TMEM74: variants seen among roughly 807,000 people sequenced by gnomAD.
TMEM74 encodes the protein transmembrane protein 74.
A neutral mutation model predicts 18.1 loss-of-function variants in TMEM74; 13 were observed. The observed-to-expected ratio is 0.72, with a 90% CI of 0.47 to 1.14. The LOEUF is 1.14. TMEM74 is among the 50% of genes most tolerant of loss of function. The probability of loss-of-function intolerance (pLI) is 0.00; values close to 1 mark genes in which losing one functional copy is unlikely to be tolerated. For synonymous variants in TMEM74, 159 were observed against 146.6 expected (o/e 1.08, Z -0.61); for missense variants, 372 against 375.9 (o/e 0.99, Z 0.09).
At chr8:108,664,175 G>A (rs1812927208) in intron 1 of TMEM74, among the ~76,000 whole-genome samples, 2 of 121,012 alleles carry the variant, frequency 1.7e-5, no homozygotes, top group South Asian at 5.5e-4. Flanking sequence ...GTCATTGGTA[G>A]TTTCATAGGA....
intron 1 of TMEM74, among the ~76,000 whole-genome samples, chr8:108,675,885 A>G (rs1813051884): frequency 2.0e-5 from 3 of 152,232 alleles, no homozygotes; most frequent in Admixed American, 2.0e-4. Flanking sequence ...TGTAATATTG[A>G]AGATAGTTTA....
At chr8:108,676,072 G>C (rs886258019) in intron 1 of TMEM74, among the ~76,000 whole-genome samples, 2 of 152,128 alleles carry the variant, frequency 1.3e-5, no homozygotes, top group African/African-American at 4.8e-5. Flanking sequence ...ATTTAGACTT[G>C]AAATAATGAA....
At chr8:108,657,119 T>C (rs1812827754) in intron 1 of TMEM74, among the ~76,000 whole-genome samples, 1 of 152,102 alleles carries the variant, frequency 6.6e-6, no homozygotes, top group South Asian at 2.1e-4. Flanking sequence ...ATCCCTAATT[T>C]ATATGTAAGG....
chr8:108,694,581 G>C (rs946060894), intron 1 of TMEM74, among the ~76,000 whole-genome samples: 1 of 152,158 alleles, frequency 6.6e-6, no homozygotes, highest in South Asian at 2.1e-4. Flanking sequence ...TTATTCATCT[G>C]TCTCCTCAGC....
At chr8:108,740,318 A>G (rs1190139400) in intron 1 of TMEM74, among the ~76,000 whole-genome samples, 4 of 152,122 alleles carry the variant, frequency 2.6e-5, no homozygotes, top group Admixed American at 1.3e-4. Flanking sequence ...AGTATATGAG[A>G]CACCCAGCTG....
chr8:108,679,788 T>C (rs1161232941), intron 1 of TMEM74, among the ~76,000 whole-genome samples: 1 of 152,178 alleles, frequency 6.6e-6, no homozygotes, highest in East Asian at 1.9e-4. Flanking sequence ...TTTGTTGCCA[T>C]TGCTTTTGGT....
chr8:108,657,223 A>G (rs1054357924), intron 1 of TMEM74, among the ~76,000 whole-genome samples: 2 of 152,046 alleles, frequency 1.3e-5, no homozygotes, highest in African/African-American at 4.8e-5. Flanking sequence ...ATGGGGTCCA[A>G]CCAGCTTAAT....
chr8:108,634,691 A>G (rs1812589700), intron 2 of TMEM74, among the ~76,000 whole-genome samples: 1 of 152,002 alleles, frequency 6.6e-6, no homozygotes, highest in African/African-American at 2.4e-5. Context: ...ATGTGGGGAA[A>G]GAGTTTCCTC....
At chr8:108,616,971 C>T (rs1190642706) in intron 2 of TMEM74, among the ~76,000 whole-genome samples, 1 of 150,670 alleles carries the variant, frequency 6.6e-6, no homozygotes, top group Admixed American at 6.6e-5. Flanking sequence ...TATTTATAGT[C>T]AGTATAGTGA....
At chr8:108,618,985 T>C (rs1206905584) in intron 2 of TMEM74, among the ~76,000 whole-genome samples, 1 of 152,112 alleles carries the variant, frequency 6.6e-6, no homozygotes, top group African/African-American at 2.4e-5. Flanking sequence ...TTTCTAAAAG[T>C]GTTGATCTCT....
At chr8:108,658,407 C>T (rs1007502164) in intron 1 of TMEM74, among the ~76,000 whole-genome samples, 4 of 152,032 alleles carry the variant, frequency 2.6e-5, no homozygotes, top group Non-Finnish European at 4.4e-5. Context: ...CTGGGAGTGA[C>T]TGAGACCAGC....
chr8:108,785,344 C>T (rs1282371944), intron 1 of TMEM74, among the ~76,000 whole-genome samples: 1 of 152,162 alleles, frequency 6.6e-6, no homozygotes, highest in African/African-American at 2.4e-5. Flanking sequence ...GTGATTAACA[C>T]TGAGAAACTT....
chr8:108,659,272 G>C (rs55751942), intron 1 of TMEM74, among the ~76,000 whole-genome samples: 3 of 18,066 alleles, frequency 1.7e-4, no homozygotes, highest in African/African-American at 1.3e-3. Context: ...CACACATACA[G>C]ACACACATAT....
intron 2 of TMEM74, among the ~76,000 whole-genome samples, chr8:108,630,060 A>C (rs1812535089): frequency 6.6e-6 from 1 of 152,052 alleles, no homozygotes; most frequent in Non-Finnish European, 1.5e-5. Context: ...AATAATCAAG[A>C]CCCATCAATG....
intron 2 of TMEM74, among the ~76,000 whole-genome samples, chr8:108,644,648 T>A (rs1812698543): frequency 6.6e-6 from 1 of 150,472 alleles, no homozygotes; most frequent in African/African-American, 2.4e-5. Flanking sequence ...CTTAAACAAA[T>A]CAACAAACAA....
intron 1 of TMEM74, among the ~76,000 whole-genome samples, chr8:108,727,242 G>A (rs1205744975): frequency 6.6e-6 from 1 of 152,114 alleles, no homozygotes; most frequent in East Asian, 1.9e-4. Flanking sequence ...ATAATGATTT[G>A]AGTTATAAAA....
At chr8:108,646,590 T>C (rs1812722721) in intron 2 of TMEM74, among the ~76,000 whole-genome samples, 1 of 152,172 alleles carries the variant, frequency 6.6e-6, no homozygotes, top group South Asian at 2.1e-4. Flanking sequence ...AGAATCTTTC[T>C]CAAAAAGCCT....
chr8:108,711,186 T>C (rs1252044765), intron 1 of TMEM74, among the ~76,000 whole-genome samples: 1 of 152,190 alleles, frequency 6.6e-6, no homozygotes. Context: ...TTTCTACATA[T>C]AAGAAACTGA....
chr8:108,786,440 C>G (rs951585677), intron 1 of TMEM74, among the ~76,000 whole-genome samples: 45 of 152,164 alleles, frequency 3.0e-4, no homozygotes, highest in African/African-American at 9.2e-4. Context: ...ATCCACAGCT[C>G]CAAAGCTGGT....
Sources: gnomAD v4.1 joint callset for allele counts (sites outside exome capture counted in the v4.1 genomes callset) on GRCh38, gnomAD v4.1.1 for gene constraint, MANE v1.5 for transcripts, NCBI Gene and HGNC (gene_info 2026-07-23, HGNC 2026-07-21) for gene names.